The following AFG2A variants were observed in gnomAD, a reference collection of about 807,000 sequenced individuals.
AFG2A encodes AAA ATPase AFG2A.
chr4:122,933,938 G>A, the AFG2A span, among the ~76,000 whole-genome samples: 1 of 152,200 alleles, frequency 6.6e-6, no homozygotes, highest in South Asian at 2.1e-4. Flanking sequence ...TGGTGTTATA[G>A]GGGAATATTA....
At chr4:123,143,830 TC>T in the AFG2A span, among the ~76,000 whole-genome samples, 2 of 63,330 alleles carry the variant, frequency 3.2e-5, no homozygotes, top group Non-Finnish European at 9.0e-5. Flanking sequence ...AACTTCTCTC[TC>T]TTTTTTTTTT....
At chr4:122,983,162 G>T in the AFG2A span, among the ~76,000 whole-genome samples, 1 of 152,020 alleles carries the variant, frequency 6.6e-6, no homozygotes, top group South Asian at 2.1e-4. Context: ...ACCGCGCCCA[G>T]CCTACTTTAA....
the AFG2A span, among the ~76,000 whole-genome samples, chr4:123,031,345 G>T: frequency 6.6e-6 from 1 of 152,078 alleles, no homozygotes; most frequent in Non-Finnish European, 1.5e-5. Flanking sequence ...TAGAGACAGG[G>T]TTTCACCATG....
chr4:123,052,757 A>G, the AFG2A span, among the ~76,000 whole-genome samples: 1 of 152,206 alleles, frequency 6.6e-6, no homozygotes, highest in African/African-American at 2.4e-5. Context: ...ATTGACTCAC[A>G]TGATCACAAG....
the AFG2A span, among the ~76,000 whole-genome samples, chr4:122,942,185 T>C: frequency 6.6e-6 from 1 of 150,836 alleles, no homozygotes; most frequent in African/African-American, 2.4e-5. Flanking sequence ...TTTCTATTGA[T>C]TGGAATAGTT....
the AFG2A span, among the ~76,000 whole-genome samples, chr4:123,132,979 A>G: frequency 1.3e-5 from 2 of 151,826 alleles, no homozygotes; most frequent in Non-Finnish European, 2.9e-5. Flanking sequence ...ACGGGGTTTC[A>G]CCGTGTTAGC....
the AFG2A span, among the ~76,000 whole-genome samples, chr4:123,022,903 G>T: frequency 6.6e-6 from 1 of 151,996 alleles, no homozygotes; most frequent in Non-Finnish European, 1.5e-5. Flanking sequence ...GATGAAATTG[G>T]AAATCATCAT....
the AFG2A span, among the ~76,000 whole-genome samples, chr4:123,086,055 ATTG>A: frequency 1.3e-5 from 2 of 152,126 alleles, no homozygotes; most frequent in African/African-American, 4.8e-5. Flanking sequence ...TATCAAATAC[ATTG>A]TTGTTATTTT....
At chr4:123,166,267 A>T in the AFG2A span, among the ~76,000 whole-genome samples, 1 of 152,208 alleles carries the variant, frequency 6.6e-6, no homozygotes, top group Non-Finnish European at 1.5e-5. Flanking sequence ...CAGCCAGGAT[A>T]TAAAGCAGGA....
At chr4:123,114,148 C>G in the AFG2A span, among the ~76,000 whole-genome samples, 1 of 152,114 alleles carries the variant, frequency 6.6e-6, no homozygotes, top group Non-Finnish European at 1.5e-5. Context: ...ACTGGCTCTG[C>G]TCTGCTCTGG....
At chr4:123,020,517 G>A in the AFG2A span, among the ~76,000 whole-genome samples, 2 of 151,618 alleles carry the variant, frequency 1.3e-5, no homozygotes, top group African/African-American at 4.8e-5. Flanking sequence ...TCCAGGTGCC[G>A]GCCACTATGC....
At chr4:123,109,096 A>G in the AFG2A span, among the ~76,000 whole-genome samples, 2 of 152,148 alleles carry the variant, frequency 1.3e-5, no homozygotes, top group African/African-American at 4.8e-5. Context: ...GGAAAAAGAG[A>G]AAGAGGGAAG....
the AFG2A span, among the ~76,000 whole-genome samples, chr4:123,135,650 C>T: frequency 1.3e-5 from 2 of 152,084 alleles, no homozygotes; most frequent in African/African-American, 2.4e-5. Context: ...AGTATAACAA[C>T]GTTTACATAG....
the AFG2A span, among the ~76,000 whole-genome samples, chr4:123,033,920 T>A: frequency 1.5e-3 from 226 of 152,258 alleles, 1 homozygote; most frequent in Non-Finnish European, 1.9e-3. Flanking sequence ...GAGTGTGGGC[T>A]TCTTTCCAAA....
At chr4:123,217,950 G>A in the AFG2A span, among the ~76,000 whole-genome samples, 1 of 152,146 alleles carries the variant, frequency 6.6e-6, no homozygotes, top group African/African-American at 2.4e-5. Flanking sequence ...CATCTGAGCT[G>A]ATATCAGACT....
the AFG2A span, chr4:122,934,277 T>A: frequency 6.2e-7 from 1 of 1,614,212 alleles, no homozygotes; most frequent in Non-Finnish European, 8.5e-7. Flanking sequence ...ACCAGTAGCC[T>A]GGAGTTATCC....
At chr4:122,972,682 G>T in the AFG2A span, among the ~76,000 whole-genome samples, 1 of 151,524 alleles carries the variant, frequency 6.6e-6, no homozygotes, top group Non-Finnish European at 1.5e-5. Context: ...TTTGAGCCAT[G>T]AGTTATTTAG....
the AFG2A span, among the ~76,000 whole-genome samples, chr4:123,176,285 G>T: frequency 6.6e-6 from 1 of 152,072 alleles, no homozygotes; most frequent in Non-Finnish European, 1.5e-5. Context: ...GTCTAATGTT[G>T]CTGTTCTGTG....
At chr4:123,008,633 G>A in the AFG2A span, among the ~76,000 whole-genome samples, 3 of 152,010 alleles carry the variant, frequency 2.0e-5, no homozygotes, top group Non-Finnish European at 4.4e-5. Flanking sequence ...GAACTGCTTT[G>A]CAGTTTTAAG....
Sources: gnomAD v4.1 joint callset for allele counts (sites outside exome capture counted in the v4.1 genomes callset) on GRCh38, gnomAD v4.1.1 for gene constraint, MANE v1.5 for transcripts, NCBI Gene and HGNC (gene_info 2026-07-23, HGNC 2026-07-21) for gene names.